The following GALNT13 variants were observed in gnomAD, a reference collection of about 807,000 sequenced individuals.
The protein encoded by GALNT13 is polypeptide N-acetylgalactosaminyltransferase 13, also known as UDP-GalNAc:polypeptide N-acetylgalactosaminyltransferase 13.
Under a neutral mutation model 64.2 loss-of-function variants are expected in GALNT13, and 28 were observed. The observed-to-expected ratio is 0.44, with a 90% CI of 0.32 to 0.60. The LOEUF is 0.60. GALNT13 is among the 20% of genes least tolerant of loss of function. The pLI, the probability that GALNT13 is intolerant of heterozygous loss-of-function variation, is 0.05. For missense variants in GALNT13, 577 were observed against 669.8 expected (o/e 0.86, Z 1.53); for synonymous variants, 214 against 224.6 (o/e 0.95, Z 0.42).
At chr2:153,864,472 G>T in the GALNT13 span, among the ~76,000 whole-genome samples, 1 of 152,070 alleles carries the variant, frequency 6.6e-6, no homozygotes, top group African/African-American at 2.4e-5. Flanking sequence ...TTTGTGTGTT[G>T]TTGGTGTATA....
the GALNT13 span, among the ~76,000 whole-genome samples, chr2:153,287,608 G>T: frequency 1.3e-5 from 2 of 152,030 alleles, no homozygotes; most frequent in Non-Finnish European, 2.9e-5. Context: ...GCTCTTCTCC[G>T]ACCACCCCCA....
chr2:154,298,499 TAC>T (rs1353828243), intron 8 of GALNT13, among the ~76,000 whole-genome samples: 1 of 105,734 alleles, frequency 9.5e-6, no homozygotes, highest in Non-Finnish European at 2.0e-5. Context: ...AAATTATATA[TAC>T]ATATATAAAT....
chr2:154,113,022 G>A (rs2080775), intron 3 of GALNT13, among the ~76,000 whole-genome samples: 27,701 of 152,032 alleles, frequency 0.18, 4,632 homozygotes, highest in East Asian at 0.74. Context: ...CCACTTTATG[G>A]CTAGATGGGT....
At chr2:153,839,463 C>T in the GALNT13 span, among the ~76,000 whole-genome samples, 1 of 151,650 alleles carries the variant, frequency 6.6e-6, no homozygotes, top group Non-Finnish European at 1.5e-5. Flanking sequence ...GGTTTTTAAT[C>T]ATGAAAAGAC....
the GALNT13 span, among the ~76,000 whole-genome samples, chr2:153,459,601 C>A: frequency 6.6e-6 from 1 of 152,068 alleles, no homozygotes; most frequent in Non-Finnish European, 1.5e-5. Context: ...ACTGAAATAA[C>A]AAAATCCTAT....
chr2:153,780,496 C>CAT, the GALNT13 span, among the ~76,000 whole-genome samples: 1 of 151,906 alleles, frequency 6.6e-6, no homozygotes, highest in Non-Finnish European at 1.5e-5. Flanking sequence ...CAAGTTTAAT[C>CAT]ATATTTCTGG....
At chr2:153,269,402 T>C in the GALNT13 span, among the ~76,000 whole-genome samples, 2 of 152,164 alleles carry the variant, frequency 1.3e-5, no homozygotes, top group Admixed American at 1.3e-4. Flanking sequence ...TGACCTTTAC[T>C]CCAGTTCCCA....
the GALNT13 span, among the ~76,000 whole-genome samples, chr2:153,235,205 G>A: frequency 6.6e-6 from 1 of 152,102 alleles, no homozygotes; most frequent in African/African-American, 2.4e-5. Flanking sequence ...TTGAAATGAG[G>A]TCAATTAATA....
the GALNT13 span, among the ~76,000 whole-genome samples, chr2:153,150,530 G>C: frequency 6.6e-6 from 1 of 152,106 alleles, no homozygotes; most frequent in South Asian, 2.1e-4. Flanking sequence ...TGGTGTTTTA[G>C]ACATGAAGTC....
At chr2:153,275,350 T>G in the GALNT13 span, among the ~76,000 whole-genome samples, 4,789 of 152,286 alleles carry the variant, frequency 0.031, 256 homozygotes, top group African/African-American at 0.11. Context: ...ATTACGGTAT[T>G]AAGAGGAAAG....
At chr2:154,153,730 C>T (rs369550707) in intron 4 of GALNT13, among the ~76,000 whole-genome samples, 16 of 152,318 alleles carry the variant, frequency 1.1e-4, no homozygotes, top group East Asian at 9.7e-4. Context: ...TAGAACCCTC[C>T]GAGCCAGGTG....
chr2:153,782,569 A>G, the GALNT13 span, among the ~76,000 whole-genome samples: 2 of 152,186 alleles, frequency 1.3e-5, no homozygotes, highest in Non-Finnish European at 2.9e-5. Context: ...GTGAATGACC[A>G]ATTAAGTTAA....
the GALNT13 span, among the ~76,000 whole-genome samples, chr2:153,726,967 A>AC: frequency 6.6e-6 from 1 of 151,634 alleles, no homozygotes; most frequent in African/African-American, 2.4e-5. Context: ...CAAAAAAAAA[A>AC]CCACACATAT....
At chr2:154,113,969 A>G (rs1703131044) in intron 3 of GALNT13, among the ~76,000 whole-genome samples, 1 of 152,212 alleles carries the variant, frequency 6.6e-6, no homozygotes, top group Admixed American at 6.5e-5. Context: ...CATCTGGTAC[A>G]ACAGCTGCAA....
At chr2:153,228,055 A>C in the GALNT13 span, among the ~76,000 whole-genome samples, 1 of 152,242 alleles carries the variant, frequency 6.6e-6, no homozygotes, top group Non-Finnish European at 1.5e-5. Context: ...GCTCTTAAAT[A>C]CTGATGCAAG....
chr2:154,339,338 G>T (rs1429621163), intron 9 of GALNT13, among the ~76,000 whole-genome samples: 1 of 151,918 alleles, frequency 6.6e-6, no homozygotes, highest in Non-Finnish European at 1.5e-5. Flanking sequence ...TTGTATCATT[G>T]GTTGTTTCTA....
chr2:153,574,353 G>A, the GALNT13 span, among the ~76,000 whole-genome samples: 2 of 151,934 alleles, frequency 1.3e-5, no homozygotes, highest in Non-Finnish European at 2.9e-5. Context: ...AATCTGCTTG[G>A]TGTTCTATAA....
At chr2:153,974,766 A>G (rs924130924) in intron 3 of GALNT13, among the ~76,000 whole-genome samples, 1 of 152,018 alleles carries the variant, frequency 6.6e-6, no homozygotes, top group Non-Finnish European at 1.5e-5. Context: ...AAGAATTAAG[A>G]TTTTTAGAGA....
the GALNT13 span, among the ~76,000 whole-genome samples, chr2:153,694,741 T>A: frequency 2.8e-4 from 42 of 152,280 alleles, no homozygotes; most frequent in East Asian, 7.9e-3. Flanking sequence ...AGTAAAAAAA[T>A]TTTAAATAAA....
Sources: allele counts gnomAD v4.1 joint callset (sites outside exome capture counted in the v4.1 genomes callset), GRCh38; gene constraint gnomAD v4.1.1; transcripts MANE v1.5; gene names NCBI Gene and HGNC (gene_info 2026-07-23, HGNC 2026-07-21).